The following ZNF678 variants were observed in gnomAD, a reference collection of about 807,000 sequenced individuals.
ZNF678 encodes the protein zinc finger protein 678.
Under a neutral mutation model 3.0 loss-of-function variants are expected in ZNF678, and 5 were observed. The observed-to-expected ratio is 1.69, with a 90% CI of 0.88 to 3.56. The LOEUF (loss-of-function observed/expected upper bound fraction) is 3.56, where lower values mean the gene tolerates loss of function less well. ZNF678 is among the 30% of genes most tolerant of loss of function. The probability of loss-of-function intolerance (pLI) is 0.00; values close to 1 mark genes in which losing one functional copy is unlikely to be tolerated. For synonymous variants in ZNF678, 218 were observed against 199.6 expected (o/e 1.09, Z -0.78); for missense variants, 593 against 605.0 (o/e 0.98, Z 0.21).
intron 1 of ZNF678, among the ~76,000 whole-genome samples, chr1:227,644,792 GA>G (rs75934542): frequency 0.21 from 32,618 of 152,110 alleles, 3,907 homozygotes; most frequent in East Asian, 0.44. Flanking sequence ...CCAGTTTAAA[GA>G]AATACTCCCA....
rs761334600 is a variant in ZNF678 at position 227,654,766 on chromosome 1, G to T, written c.516G>T (p.Lys172Asn). 1 of 1,612,546 alleles carries T rather than the reference G, an allele frequency of 6.2e-7. No homozygotes were observed. Among genetic ancestry groups the T allele is most frequent in the South Asian group, 1.1e-5 (1 of 90,978 alleles). Residue 172 changes from lysine (K) to asparagine (N), a missense_variant, in exon 4 of 4, where the codon AAG (lysine) becomes AAT (asparagine). Lys to Asn is a moderately conservative substitution (Grantham distance 94). Coordinates refer to ENST00000343776, the MANE Select transcript of ZNF678 (RefSeq NM_001367909.1). ...FNWWSQLTNH[K>N]KIHTGEKPYK... is the part of the protein sequence containing the mutation. Reference sequence around the variant, plus strand: ...GGTGGTCACAACTAACTAACCATAAGAAAATTCATACTGGAGAGAAACCCT... The same window carrying T: ...GGTGGTCACAACTAACTAACCATAATAAAATTCATACTGGAGAGAAACCCT...
At chr1:227,625,987 T>G (rs1658403494) in intron 1 of ZNF678, among the ~76,000 whole-genome samples, 1 of 151,814 alleles carries the variant, frequency 6.6e-6, no homozygotes, top group African/African-American at 2.4e-5. Context: ...GAAAGTGGGG[T>G]TTCCTTTAGA....
intron 1 of ZNF678, among the ~76,000 whole-genome samples, chr1:227,571,489 G>C (rs1285238378): frequency 1.3e-5 from 2 of 152,128 alleles, no homozygotes; most frequent in African/African-American, 4.8e-5. Context: ...ACAATGTGCA[G>C]CTTTTTATGT....
intron 1 of ZNF678, among the ~76,000 whole-genome samples, chr1:227,627,764 G>A (rs965245427): frequency 2.0e-5 from 3 of 152,132 alleles, no homozygotes; most frequent in African/African-American, 7.2e-5. Flanking sequence ...GGAGTGAGGG[G>A]ATTACTTTCA....
chr1:227,637,980 GT>G (rs561729671), intron 1 of ZNF678, among the ~76,000 whole-genome samples: 34 of 152,242 alleles, frequency 2.2e-4, no homozygotes, highest in African/African-American at 7.9e-4. Flanking sequence ...GATAGTATGG[GT>G]GTCGAAGTCT....
At chr1:227,588,838 G>A (rs1389897760) in intron 1 of ZNF678, among the ~76,000 whole-genome samples, 1 of 151,418 alleles carries the variant, frequency 6.6e-6, no homozygotes, top group Non-Finnish European at 1.5e-5. Flanking sequence ...ATTTTGATTG[G>A]CATGAGATGG....
At chr1:227,652,396 C>A (rs1659112112) in intron 3 of ZNF678, among the ~76,000 whole-genome samples, 1 of 152,004 alleles carries the variant, frequency 6.6e-6, no homozygotes, top group Non-Finnish European at 1.5e-5. Flanking sequence ...AAAATTTTTT[C>A]CAAATCTCTT....
At chr1:227,624,922 C>T (rs1162442272) in intron 1 of ZNF678, among the ~76,000 whole-genome samples, 9 of 152,130 alleles carry the variant, frequency 5.9e-5, no homozygotes, top group South Asian at 4.2e-4. Context: ...CAGCTCGAGC[C>T]GCAACAAACG....
Position 227,605,038 on chromosome 1 carries a change from G to A in ZNF678, c.-164+41314G>A, listed in dbSNP as rs186401677. Among the ~76,000 whole-genome samples the A allele has an allele frequency of 3.3e-3, 509 of 152,066 alleles. 1 individual carries two copies. Among genetic ancestry groups the A allele is most frequent in the Non-Finnish European group, 5.2e-3 (352 of 67,984 alleles). ...GCCCAACTAATTTTTTGTATTTTTA[G>A]TAGAGACCGGGTTTCACCATGTTAG... On this transcript the variant is annotated intron_variant, in intron 1 of 3. Transcript: ENST00000343776.
intron 1 of ZNF678, among the ~76,000 whole-genome samples, chr1:227,630,489 G>T (rs1439679989): frequency 6.6e-6 from 1 of 152,200 alleles, no homozygotes; most frequent in Non-Finnish European, 1.5e-5. Flanking sequence ...CTCATTTGGG[G>T]TTAGCATCTG....
At chr1:227,599,661 T>C (rs1163920712) in intron 1 of ZNF678, among the ~76,000 whole-genome samples, 4 of 152,172 alleles carry the variant, frequency 2.6e-5, no homozygotes, top group Admixed American at 2.6e-4. Context: ...GAGAATTTTT[T>C]TTTCCCGGCT....
intron 1 of ZNF678, among the ~76,000 whole-genome samples, chr1:227,627,357 A>G (rs1658444304): frequency 6.6e-6 from 1 of 151,890 alleles, no homozygotes; most frequent in African/African-American, 2.4e-5. Context: ...TCTGCTGAGT[A>G]TTGGGGCTTG....
chr1:227,679,194 AAG>A (rs1659728414), downstream of ZNF678, among the ~76,000 whole-genome samples: 1 of 152,198 alleles, frequency 6.6e-6, no homozygotes, highest in African/African-American at 2.4e-5. Context: ...TAGAAAAAAA[AAG>A]AGTTAATAGT....
intron 1 of ZNF678, among the ~76,000 whole-genome samples, chr1:227,627,807 C>T (rs577933305): frequency 3.9e-5 from 6 of 152,316 alleles, no homozygotes; most frequent in Middle Eastern, 3.4e-3. Context: ...CTGCATACCC[C>T]GCCTTTCGAA....
chr1:227,625,317 G>T (rs1250207145), intron 1 of ZNF678, among the ~76,000 whole-genome samples: 1 of 152,096 alleles, frequency 6.6e-6, no homozygotes, highest in Non-Finnish European at 1.5e-5. Flanking sequence ...TGTTGGGGAG[G>T]TTGGCCGACG....
intron 1 of ZNF678, among the ~76,000 whole-genome samples, chr1:227,633,961 A>G (rs1359056816): frequency 2.0e-5 from 3 of 151,894 alleles, no homozygotes. Flanking sequence ...CCAAAAAGAG[A>G]CCCCTTCCTT....
Position 227,639,123 on chromosome 1 carries a change from C to T in ZNF678, c.-163-7421C>T, listed in dbSNP as rs577561581. 5.3e-5 allele frequency among the ~76,000 whole-genome samples: 8 copies of T among 152,246 alleles called. No individual in the cohort carries two copies. The East Asian group carries it at 1.6e-3, about 30-fold the overall frequency. ...GGGGGCGGTCCTTGCTGGGGCCGCT[C>T]ATAGTCCAACTTCCAGTGGGGTCCT... is the stretch of plus-strand genomic sequence containing the variant. On this transcript the variant is annotated intron_variant, in intron 1 of 3. Coordinates refer to ENST00000343776, the MANE Select transcript of ZNF678 (RefSeq NM_001367909.1).
At chr1:227,651,202 C>A in intron 3 of ZNF678, 126 bp downstream of exon 3, 1 of 1,045,116 alleles carries the variant, frequency 9.6e-7, no homozygotes, top group Non-Finnish European at 1.3e-6. Context: ...CTTTGGTGGG[C>A]TTATTACCAG....
At chr1:227,648,295 C>T (rs1342924017) in intron 2 of ZNF678, among the ~76,000 whole-genome samples, 2 of 152,226 alleles carry the variant, frequency 1.3e-5, no homozygotes, top group East Asian at 1.9e-4. Context: ...ATAAAGCTTA[C>T]TGGGGCATAC....
Sources: allele counts gnomAD v4.1 joint callset (sites outside exome capture counted in the v4.1 genomes callset), GRCh38; gene constraint gnomAD v4.1.1; transcripts MANE v1.5; gene names NCBI Gene and HGNC (gene_info 2026-07-23, HGNC 2026-07-21).